Variants in WLS observed in about 807,000 individuals in gnomAD.
The protein encoded by WLS is Wnt ligand secretion mediator, also known as protein wntless homolog.
WLS carries 23 observed loss-of-function variants against 62.8 expected under a neutral mutation model. The ratio of observed to expected loss-of-function variants is 0.37; its 90% CI spans 0.26 to 0.52. The LOEUF (loss-of-function observed/expected upper bound fraction) is 0.52, where lower values mean the gene tolerates loss of function less well. WLS is among the 20% of genes least tolerant of loss of function. WLS has a pLI of 0.92. For missense variants in WLS, 615 were observed against 697.3 expected, an observed-to-expected ratio of 0.88 and a Z score of 1.33; for synonymous variants, 246 against 244.1, an observed-to-expected ratio of 1.01 and a Z score of -0.07.
intron 1 of WLS, among the ~76,000 whole-genome samples, chr1:68,207,342 T>A (rs1011745444): frequency 2.0e-5 from 3 of 152,218 alleles, no homozygotes; most frequent in African/African-American, 7.2e-5. Flanking sequence ...TTTTTTAGGA[T>A]GATAGAAATA....
rs77256162 is a variant in WLS at position 68,142,246 on chromosome 1, C to T, written c.1362+2323G>A. Among the ~76,000 whole-genome samples the T allele has an allele frequency of 9.7e-3, 1,484 of 152,284 alleles. 27 individuals are homozygous for T. The highest frequency in any genetic ancestry group is 0.034 in the African/African-American group (1,429 of 41,570). On this transcript the variant is annotated intron_variant, in intron 10 of 11. Coordinates refer to ENST00000262348, the MANE Select transcript of WLS (RefSeq NM_024911.7). Reference sequence around the variant, plus strand: ...ACATGAGGCAGTGTGGGGAGAATGACGTCAGCCTCCCAAACTGGCACAAGG... The same window carrying T: ...ACATGAGGCAGTGTGGGGAGAATGATGTCAGCCTCCCAAACTGGCACAAGG...
At chr1:68,207,526 C>A (rs759823993) in intron 1 of WLS, among the ~76,000 whole-genome samples, 81 of 152,290 alleles carry the variant, frequency 5.3e-4, no homozygotes, top group Middle Eastern at 3.4e-3. Context: ...ACACTGATTA[C>A]CCTCTACAAA....
chr1:68,145,837 C>G, intron 9 of WLS, 32 bp downstream of exon 9: 1 of 1,612,872 alleles, frequency 6.2e-7, no homozygotes, highest in Non-Finnish European at 8.5e-7. Context: ...AAGCAAGCAC[C>G]AGTTCCAGAA....
intron 2 of WLS, among the ~76,000 whole-genome samples, chr1:68,178,705 C>CAAAAAAAAAAAAA (rs376126398): frequency 4.2e-4 from 45 of 108,112 alleles, no homozygotes; most frequent in African/African-American, 6.4e-4. Context: ...GACTACATTT[C>CAAAAAAAAAAAAA]AAAAAAAAAA....
intron 2 of WLS, chr1:68,163,020 TG>T (rs1647004876): frequency 6.3e-7 from 1 of 1,593,312 alleles, no homozygotes; most frequent in South Asian, 1.1e-5. Context: ...GTTCATGATC[TG>T]GGGGCGGATA....
chr1:68,123,831 G>T (rs1319085764), downstream of WLS, among the ~76,000 whole-genome samples: 1 of 152,094 alleles, frequency 6.6e-6, no homozygotes, highest in Non-Finnish European at 1.5e-5. Context: ...TGAGAGAAAG[G>T]TGCATGGATT....
intron 9 of WLS, 44 bp downstream of exon 9, chr1:68,145,825 T>A (rs1646745400): frequency 6.2e-7 from 1 of 1,610,796 alleles, no homozygotes; most frequent in African/African-American, 1.3e-5. Flanking sequence ...AGTGGAAAGA[T>A]CAAGCAAGCA....
chr1:68,110,821 T>C (rs7531466), intron 11 of WLS, among the ~76,000 whole-genome samples: 70,832 of 151,644 alleles, frequency 0.47, 16,807 homozygotes, highest in Middle Eastern at 0.54. Flanking sequence ...TAAATGGTGC[T>C]GAGAGCATTA....
At chr1:68,192,446 T>A (rs1393389372) in intron 2 of WLS, among the ~76,000 whole-genome samples, 1 of 151,558 alleles carries the variant, frequency 6.6e-6, no homozygotes, top group Non-Finnish European at 1.5e-5. Flanking sequence ...TAAGGCCAGG[T>A]GCAGTGGCTC....
intron 2 of WLS, among the ~76,000 whole-genome samples, chr1:68,177,843 T>C (rs981420469): frequency 3.3e-5 from 5 of 152,186 alleles, no homozygotes; most frequent in African/African-American, 4.8e-5. Context: ...GCACTTACTA[T>C]GTAAAAGCCT....
downstream of WLS, among the ~76,000 whole-genome samples, chr1:68,124,232 C>G (rs1646397257): frequency 6.6e-6 from 1 of 152,170 alleles, no homozygotes; most frequent in Non-Finnish European, 1.5e-5. Context: ...TCCAGCCTCT[C>G]CAGGCTCCAG....
chr1:68,138,512 C>T (rs530052676), intron 10 of WLS: 1 of 152,218 alleles, frequency 6.6e-6, no homozygotes, highest in Non-Finnish European at 1.5e-5. Context: ...ATTTCTAGAA[C>T]CTGCCTGGCA....
rs536725454 is a variant in WLS at position 68,131,441 on chromosome 1, C to G, written c.1517-5106G>C. Among the ~76,000 whole-genome samples the G allele has an allele frequency of 3.9e-5, 6 of 151,980 alleles. No individual in the cohort carries two copies. The South Asian group carries it at 1.3e-3, about 32-fold the overall frequency. On this transcript the variant is annotated intron_variant, in intron 11 of 11. Transcript: ENST00000262348. ...CTTGGGATAGCTCAGCTTTGAGGATCCCTTCTGGGAGATGGGGCAGAGTGG... is the reference window on the plus strand; with the variant it reads ...CTTGGGATAGCTCAGCTTTGAGGATGCCTTCTGGGAGATGGGGCAGAGTGG...
chr1:68,231,177 G>A (rs1437526300), intron 1 of WLS, among the ~76,000 whole-genome samples: 1 of 152,194 alleles, frequency 6.6e-6, no homozygotes, highest in African/African-American at 2.4e-5. Context: ...GGATGCAGAT[G>A]GGGAGACAGT....
chr1:68,201,706 A>T (rs1307865452), intron 1 of WLS, among the ~76,000 whole-genome samples: 3 of 152,122 alleles, frequency 2.0e-5, no homozygotes, highest in Non-Finnish European at 4.4e-5. Context: ...AGGAAAGCTA[A>T]TTTTTTTTAA....
chr1:68,115,483 G>T (rs1402663530), intron 11 of WLS, among the ~76,000 whole-genome samples: 1 of 152,212 alleles, frequency 6.6e-6, no homozygotes, highest in African/African-American at 2.4e-5. Context: ...TGGTGATAAT[G>T]AAGTCAGTCG....
chr1:68,213,044 A>G (rs1019598301), intron 1 of WLS, among the ~76,000 whole-genome samples: 1 of 152,244 alleles, frequency 6.6e-6, no homozygotes, highest in Non-Finnish European at 1.5e-5. Context: ...AGTGCCTTTA[A>G]TAAGGAAGAA....
At chr1:68,168,592 A>G (rs1189281595) in intron 2 of WLS, among the ~76,000 whole-genome samples, 1 of 152,228 alleles carries the variant, frequency 6.6e-6, no homozygotes. Context: ...GAATGATTTT[A>G]TGGTTGTCAA....
chr1:68,180,662 T>C (rs1647510418), intron 2 of WLS, among the ~76,000 whole-genome samples: 5 of 152,168 alleles, frequency 3.3e-5, no homozygotes, highest in Admixed American at 2.6e-4. Flanking sequence ...ATAAATAGCA[T>C]GGGCTCCCAG....
Sources: gnomAD v4.1 joint callset for allele counts (sites outside exome capture counted in the v4.1 genomes callset) on GRCh38, gnomAD v4.1.1 for gene constraint, MANE v1.5 for transcripts, NCBI Gene and HGNC (gene_info 2026-07-23, HGNC 2026-07-21) for gene names.